The following DNAJB13 variants were observed in gnomAD, a reference collection of about 807,000 sequenced individuals.
The protein encoded by DNAJB13 is DnaJ heat shock protein family (Hsp40) member B13.
In DNAJB13, 22 loss-of-function variants were observed where a neutral mutation model predicts 35.6. The ratio of observed to expected loss-of-function variants is 0.62; its 90% confidence interval spans 0.44 to 0.88. The LOEUF (loss-of-function observed/expected upper bound fraction) is 0.88, where lower values mean the gene tolerates loss of function less well. Among genes scored for constraint, DNAJB13 ranks in the 40% least tolerant of loss-of-function variants. The pLI is 0.00. For missense variants in DNAJB13, 370 were observed against 384.3 expected (o/e 0.96, Z 0.31); for synonymous variants, 136 against 144.2 (o/e 0.94, Z 0.41).
At chr11:73,954,765 G>C (rs1393806442) in intron 1 of DNAJB13, among the ~76,000 whole-genome samples, 1 of 151,990 alleles carries the variant, frequency 6.6e-6, no homozygotes, top group Non-Finnish European at 1.5e-5. Context: ...AGACCAGCCT[G>C]GCCAACAAGG....
At chr11:73,963,054 G>A (rs770463096) in intron 3 of DNAJB13, among the ~76,000 whole-genome samples, 4 of 152,062 alleles carry the variant, frequency 2.6e-5, no homozygotes, top group Non-Finnish European at 5.9e-5. Flanking sequence ...GGCCGGGCAT[G>A]GTGGCTCACA....
chr11:73,967,776 A>C (rs1302937047), intron 5 of DNAJB13, among the ~76,000 whole-genome samples: 2 of 152,114 alleles, frequency 1.3e-5, no homozygotes, highest in Non-Finnish European at 2.9e-5. Context: ...ATACAAATAA[A>C]ACATCTACTT....
chr11:73,970,076 C>T lies in DNAJB13; in HGVS notation c.913C>T (p.Gln305Ter). 2 of 1,610,132 alleles carry T rather than the reference C, an allele frequency of 1.2e-6. No homozygotes were observed. Among genetic ancestry groups the T allele is most frequent in the Non-Finnish European group, 1.7e-6 (2 of 1,178,092 alleles). ...DIQFPTRLTP[Q>*]KKQMLRQALL... The stretch of plus-strand genomic sequence containing the variant: ...CCAGTTCCCCACCCGCCTCACACCC[C>T]AGAAGAAGCAGATGCTGCGCCAGGC... Residue 305 changes from glutamine (Q) to a stop codon, truncating the protein, a stop_gained, in exon 8 of 8, where the codon CAG (glutamine) becomes TAG (stop). Coordinates refer to ENST00000339764, the MANE Select transcript of DNAJB13 (RefSeq NM_153614.4). LOFTEE classifies it high-confidence loss of function.
At chr11:73,964,611 G>A in intron 3 of DNAJB13, 2 of 437,510 alleles carry the variant, frequency 4.6e-6, no homozygotes, top group South Asian at 4.9e-5. Context: ...TGTCCCAAGG[G>A]GAGGTGAAGC....
intron 4 of DNAJB13, 24 bp downstream of exon 4, chr11:73,965,059 C>A (rs745411267): frequency 1.3e-6 from 2 of 1,537,336 alleles, no homozygotes; most frequent in Admixed American, 4.2e-5. Context: ...TTGCTCCTCC[C>A]GGGAGCCACC....
chr11:73,963,351 AAAAAAAG>A lies in DNAJB13; in HGVS notation c.335-1513_335-1507del, dbSNP rs532147069. ...CAAGATTGAGACTCTGTCTCAAAAAAAAAAAAGAAAAAAGAAAAAAAATGAAAGGGGC... is the reference window on the plus strand; with the variant it reads ...CAAGATTGAGACTCTGTCTCAAAAAAAAAAAAGAAAAAAAATGAAAGGGGC... On this transcript the variant is annotated intron_variant, in intron 3 of 7. Coordinates refer to ENST00000339764, the MANE Select transcript of DNAJB13 (RefSeq NM_153614.4). 3.1e-4 allele frequency among the ~76,000 whole-genome samples: 47 copies of A among 151,960 alleles called. No homozygotes were observed. In the East Asian group the frequency reaches 7.4e-3, roughly 24 times the overall value.
At chr11:73,965,252 CT>C in intron 4 of DNAJB13, 1 of 451,596 alleles carries the variant, frequency 2.2e-6, no homozygotes, top group African/African-American at 2.0e-5. Context: ...GGAGTGCCCT[CT>C]GCAGCCTTCC....
rs532872226 is a variant in DNAJB13 at position 73,969,773 on chromosome 11, G to C, written c.798-188G>C. 2.9e-4 allele frequency among the ~76,000 whole-genome samples: 44 copies of C among 152,286 alleles called. No homozygotes were observed. In the South Asian group the frequency reaches 3.3e-3, roughly 11 times the overall value. On this transcript the variant is annotated intron_variant, in intron 7 of 7. Coordinates refer to ENST00000339764, the MANE Select transcript of DNAJB13 (RefSeq NM_153614.4). ...ACAAAGTTTCTGGAATCCTCCATCA[G>C]AGACTCAGTGTAAACAGGTTTTCAG...
Position 73,965,245 on chromosome 11 carries a change from G to GT in DNAJB13, c.492+211dup, listed in dbSNP as rs146551571. 20,563 of 496,700 alleles carry GT rather than the reference G, an allele frequency of 0.041. 533 individuals are homozygous for GT. The highest frequency in any genetic ancestry group is 0.06 in the Middle Eastern group (112 of 1,874). The allele number at this position is 496,700 out of a possible 1,614,324, so 30.8% of individuals were successfully genotyped here. On this transcript the variant is annotated intron_variant, in intron 4 of 7. Coordinates refer to ENST00000339764, the MANE Select transcript of DNAJB13 (RefSeq NM_153614.4). ...AGCCCGGTTCTTTCCTAGTGCAGGA[G>GT]TGCCCTCTGCAGCCTTCCCAACTGG...
At position 73,957,700 on chromosome 11, in the gene DNAJB13, C is replaced by T. The variant is rs573667129; in HGVS notation, c.69-617C>T. Among the ~76,000 whole-genome samples the T allele has an allele frequency of 7.9e-5, 12 of 152,222 alleles. No individual in the cohort carries two copies. In the East Asian group the frequency reaches 2.3e-3, roughly 29 times the overall value. On this transcript the variant is annotated intron_variant, in intron 1 of 7. Transcript: ENST00000339764. ...AAAATGAGCAGAGAGAGGGTGGGGGCGGCACAGGAACCGGACGGGCACTGA... is the reference window on the plus strand; with the variant it reads ...AAAATGAGCAGAGAGAGGGTGGGGGTGGCACAGGAACCGGACGGGCACTGA...
At chr11:73,968,567 G>A in intron 6 of DNAJB13, 109 bp downstream of exon 6, 4 of 858,842 alleles carry the variant, frequency 4.7e-6, no homozygotes, top group Non-Finnish European at 5.5e-6. Context: ...CAGTCACTAA[G>A]CCCTGTGGAT....
chr11:73,965,125 G>T (rs1428061125), intron 4 of DNAJB13, 90 bp downstream of exon 4: 1 of 1,321,788 alleles, frequency 7.6e-7, no homozygotes, highest in Non-Finnish European at 1.0e-6. Context: ...AGGACTCAGG[G>T]ATGGTCTCTG....
At chr11:73,956,528 C>T (rs1280099014) in intron 1 of DNAJB13, among the ~76,000 whole-genome samples, 1 of 152,090 alleles carries the variant, frequency 6.6e-6, no homozygotes, top group Non-Finnish European at 1.5e-5. Flanking sequence ...GAAGGCTGGG[C>T]GCTGTGGCTC....
chr11:73,955,951 GCAGTT>G (rs1950731260), intron 1 of DNAJB13, among the ~76,000 whole-genome samples: 1 of 152,034 alleles, frequency 6.6e-6, no homozygotes, highest in Non-Finnish European at 1.5e-5. Flanking sequence ...GGATGGAGGG[GCAGTT>G]GCAGGACCAC....
At chr11:73,951,573 C>T (rs1389357403) in intron 1 of DNAJB13, among the ~76,000 whole-genome samples, 2 of 152,194 alleles carry the variant, frequency 1.3e-5, no homozygotes, top group Admixed American at 6.5e-5. Flanking sequence ...ATACTTCCAT[C>T]GGATCTTAAG....
chr11:73,967,042 G>A (rs913580471), intron 5 of DNAJB13, among the ~76,000 whole-genome samples: 4 of 151,952 alleles, frequency 2.6e-5, no homozygotes, highest in East Asian at 1.9e-4. Flanking sequence ...TAGTAGAGAC[G>A]GGGTTTCACC....
intron 1 of DNAJB13, among the ~76,000 whole-genome samples, chr11:73,952,328 G>A (rs1033842287): frequency 6.6e-6 from 1 of 152,198 alleles, no homozygotes; most frequent in African/African-American, 2.4e-5. Context: ...AATTAAGTTA[G>A]GCAGTGACAA....
intron 3 of DNAJB13, among the ~76,000 whole-genome samples, chr11:73,962,509 A>T (rs1176487532): frequency 6.6e-6 from 1 of 152,030 alleles, no homozygotes; most frequent in Non-Finnish European, 1.5e-5. Context: ...GAGTAGGTGG[A>T]TGGGTGCGTG....
rs1234174782 is a variant in DNAJB13, at chr11:73,964,652, G to T, written c.335-226G>T. On this transcript the variant is annotated intron_variant, in intron 3 of 7. Coordinates refer to ENST00000339764, the MANE Select transcript of DNAJB13 (RefSeq NM_153614.4). ...GAAATGGCAAAGGATGATAATCACT[G>T]CATCTGCAGTTGAAGACAGCTCCTT... The T allele has an allele frequency of 7.2e-6, 4 of 553,222 alleles. No homozygotes were observed. In the East Asian group the frequency reaches 1.3e-4, roughly 18 times the overall value. 34.3% of individuals were successfully genotyped at this position (553,222 alleles called of 1,614,324 possible). A position where few individuals can be genotyped will look rare whatever the true frequency, so the allele number is the denominator to read the frequency against.
Sources: gnomAD v4.1 joint callset for allele counts (sites outside exome capture counted in the v4.1 genomes callset) on GRCh38, gnomAD v4.1.1 for gene constraint, MANE v1.5 for transcripts, NCBI Gene and HGNC (gene_info 2026-07-23, HGNC 2026-07-21) for gene names.